TRAF3: variants seen among roughly 807,000 people sequenced by gnomAD.
TRAF3 encodes TNF receptor-associated factor 3.
TRAF3 carries 13 observed loss-of-function variants against 62.3 expected under a neutral mutation model. The observed-to-expected ratio is 0.21, with a 90% CI of 0.14 to 0.33. The LOEUF (loss-of-function observed/expected upper bound fraction) is 0.33. TRAF3 is among the 10% of genes least tolerant of loss of function. The pLI, the probability that TRAF3 is intolerant of heterozygous loss-of-function variation, is 1.00. For missense variants in TRAF3, 440 were observed against 741.8 expected (o/e 0.59, Z 4.73); for synonymous variants, 269 against 283.4 (o/e 0.95, Z 0.51).
chr14:102,892,767 C>T (rs1256992160), intron 9 of TRAF3, among the ~76,000 whole-genome samples: 1 of 152,182 alleles, frequency 6.6e-6, no homozygotes, highest in Non-Finnish European at 1.5e-5. Context: ...TCCCTTTAAT[C>T]TGCCATAAGA....
chr14:102,887,831 G>A (rs923237011), intron 7 of TRAF3, among the ~76,000 whole-genome samples: 1 of 151,928 alleles, frequency 6.6e-6, no homozygotes, highest in Non-Finnish European at 1.5e-5. Context: ...TCCTGACCTC[G>A]TGATTTGCCC....
intron 6 of TRAF3, among the ~76,000 whole-genome samples, chr14:102,885,859 C>T (rs140900864): frequency 9.8e-4 from 149 of 152,282 alleles, no homozygotes; most frequent in Middle Eastern, 6.8e-3. Flanking sequence ...GAGCATTGCA[C>T]GATAGGGGCT....
chr14:102,910,392 C>A lies in TRAF3; in HGVS notation c.*4608C>A. On this transcript the variant is annotated 3_prime_UTR_variant, in exon 12 of 12. Transcript: ENST00000392745. ...CCAAATCTACTTCTCAGCCCATGAC[C>A]ATAGTTCTGTTTTCCGTTTGCAAAT... 1 of 152,384 alleles carries A rather than the reference C, an allele frequency of 6.6e-6. No individual in the cohort carries two copies. Among genetic ancestry groups the A allele is most frequent in the Non-Finnish European group, 1.5e-5 (1 of 68,056 alleles). 9.4% of individuals were successfully genotyped at this position (152,384 alleles called of 1,614,324 possible).
chr14:102,899,169 T>G (rs561579078), intron 10 of TRAF3, among the ~76,000 whole-genome samples: 2 of 152,142 alleles, frequency 1.3e-5, no homozygotes, highest in Non-Finnish European at 2.9e-5. Flanking sequence ...AACCGTGTGG[T>G]TTTTTGAAAG....
In TRAF3 at chr14:102,911,083, C is replaced by T. The variant is rs1010797955; in HGVS notation, c.*5299C>T. 1 of 152,232 alleles carries T rather than the reference C, an allele frequency of 6.6e-6. No homozygotes were observed. The highest frequency in any genetic ancestry group is 1.5e-5 in the Non-Finnish European group (1 of 68,044). The allele number at this position is 152,232 out of a possible 1,614,324, so 9.4% of individuals were successfully genotyped here. ...ACCCAAAAACAAAGACCAAAGAAGG[C>T]CAATCTCTCATTTGACCCTGTCTTT... On this transcript the variant is annotated 3_prime_UTR_variant, in exon 12 of 12. Coordinates refer to ENST00000392745, the MANE Select transcript of TRAF3 (RefSeq NM_145725.3).
intron 1 of TRAF3, among the ~76,000 whole-genome samples, chr14:102,782,122 A>G (rs1897297944): frequency 6.6e-6 from 1 of 151,574 alleles, no homozygotes; most frequent in African/African-American, 2.4e-5. Flanking sequence ...ATTTTTTAGT[A>G]GAGACAGGGT....
chr14:102,817,899 T>C (rs1007057937), intron 1 of TRAF3, among the ~76,000 whole-genome samples: 1 of 152,212 alleles, frequency 6.6e-6, no homozygotes, highest in African/African-American at 2.4e-5. Context: ...TATTTTGTTA[T>C]CCATAATAGA....
chr14:102,853,665 A>C (rs1022765368), intron 2 of TRAF3, among the ~76,000 whole-genome samples: 6 of 151,676 alleles, frequency 4.0e-5, no homozygotes, highest in African/African-American at 1.5e-4. Flanking sequence ...TGAAACCCCC[A>C]TCTCTACTAA....
At chr14:102,816,111 T>A (rs1328025320) in intron 1 of TRAF3, among the ~76,000 whole-genome samples, 1 of 152,136 alleles carries the variant, frequency 6.6e-6, no homozygotes, top group Non-Finnish European at 1.5e-5. Context: ...TTCTATTTTT[T>A]TTTTTTTAAG....
intron 3 of TRAF3, among the ~76,000 whole-genome samples, chr14:102,870,916 T>C (rs8004192): frequency 0.4 from 60,326 of 152,184 alleles, 15,984 homozygotes; most frequent in African/African-American, 0.75. Flanking sequence ...GTGTGGAACA[T>C]GCACCGAGCC....
At chr14:102,811,381 C>T (rs1371428331) in intron 1 of TRAF3, among the ~76,000 whole-genome samples, 1 of 150,522 alleles carries the variant, frequency 6.6e-6, no homozygotes, top group Non-Finnish European at 1.5e-5. Flanking sequence ...TGCTGTCGTA[C>T]TGCCCTGGAT....
chr14:102,895,061 A>C, intron 9 of TRAF3: 1 of 455,750 alleles, frequency 2.2e-6, no homozygotes, highest in Non-Finnish European at 4.4e-6. Context: ...CATACATGTC[A>C]TCTTTTTGCA....
At chr14:102,802,433 C>T (rs1031314942) in intron 1 of TRAF3, among the ~76,000 whole-genome samples, 6 of 149,392 alleles carry the variant, frequency 4.0e-5, no homozygotes, top group African/African-American at 9.8e-5. Context: ...GGATTACAGG[C>T]GTGAGCCACC....
At chr14:102,837,453 ATAATT>A (rs1344002075) in intron 2 of TRAF3, among the ~76,000 whole-genome samples, 1 of 152,140 alleles carries the variant, frequency 6.6e-6, no homozygotes, top group African/African-American at 2.4e-5. Flanking sequence ...CCTCCAAACA[ATAATT>A]TAAATGATGT....
At chr14:102,892,382 C>T (rs1456896175) in intron 9 of TRAF3, among the ~76,000 whole-genome samples, 1 of 152,178 alleles carries the variant, frequency 6.6e-6, no homozygotes, top group Non-Finnish European at 1.5e-5. Flanking sequence ...AAGAGGCCTT[C>T]ATTGCAGGCC....
At chr14:102,843,979 A>G (rs1196874801) in intron 2 of TRAF3, among the ~76,000 whole-genome samples, 1 of 152,280 alleles carries the variant, frequency 6.6e-6, no homozygotes, top group East Asian at 1.9e-4. Flanking sequence ...CGCTATATAC[A>G]TTTGAAAATT....
At chr14:102,791,412 AT>A (rs1303150148) in intron 1 of TRAF3, among the ~76,000 whole-genome samples, 5 of 152,122 alleles carry the variant, frequency 3.3e-5, no homozygotes, top group Admixed American at 3.3e-4. Flanking sequence ...ATCTCTTTGG[AT>A]AAATTTATTT....
chr14:102,877,098 T>A (rs766770157), intron 6 of TRAF3, among the ~76,000 whole-genome samples: 20 of 148,808 alleles, frequency 1.3e-4, no homozygotes, highest in Non-Finnish European at 2.2e-4. Context: ...TTGTGCTCGA[T>A]TCATAGATAA....
intron 2 of TRAF3, among the ~76,000 whole-genome samples, chr14:102,839,210 C>CCTTTTTTTTTTTTTTTTTTTTTT (rs1310697452): frequency 1.1e-5 from 1 of 89,836 alleles, no homozygotes; most frequent in African/African-American, 4.4e-5. Flanking sequence ...GTTGATTTGC[C>CCTTTTTTTTTTTTTTTTTTTTTT]TTTTTTTTTT....
Sources: gnomAD v4.1 joint callset for allele counts (sites outside exome capture counted in the v4.1 genomes callset) on GRCh38, gnomAD v4.1.1 for gene constraint, MANE v1.5 for transcripts, NCBI Gene and HGNC (gene_info 2026-07-23, HGNC 2026-07-21) for gene names.